The following LRRC4C variants were observed in gnomAD, a reference collection of about 807,000 sequenced individuals.
LRRC4C encodes the protein leucine-rich repeat-containing protein 4C.
In LRRC4C, 5 loss-of-function variants were observed where a neutral mutation model predicts 33.6. That is an observed-to-expected ratio of 0.15 (90% CI 0.08 to 0.31). The LOEUF (loss-of-function observed/expected upper bound fraction) is 0.31, where lower values mean the gene tolerates loss of function less well. Ranked by LOEUF, LRRC4C falls within the 10% of genes least tolerant of loss-of-function variation. The pLI, the probability that LRRC4C is intolerant of heterozygous loss-of-function variation, is 1.00. For missense variants in LRRC4C, 560 were observed against 796.7 expected, an observed-to-expected ratio of 0.70 and a Z score of 3.58; for synonymous variants, 329 against 302.0, an observed-to-expected ratio of 1.09 and a Z score of -0.93.
At chr11:41,037,270 T>G (rs1857134543) in intron 1 of LRRC4C, among the ~76,000 whole-genome samples, 1 of 123,162 alleles carries the variant, frequency 8.1e-6, no homozygotes, top group Non-Finnish European at 1.7e-5. Flanking sequence ...CCCAATTACC[T>G]ATCTTTGATG....
chr11:41,180,179 G>A (rs1277704331), intron 1 of LRRC4C, among the ~76,000 whole-genome samples: 1 of 152,130 alleles, frequency 6.6e-6, no homozygotes, highest in Non-Finnish European at 1.5e-5. Context: ...AAGCTAAAAG[G>A]TCAATGCGAC....
At chr11:41,076,668 C>T (rs912383691) in intron 1 of LRRC4C, among the ~76,000 whole-genome samples, 7 of 152,092 alleles carry the variant, frequency 4.6e-5, no homozygotes, top group Non-Finnish European at 7.4e-5. Flanking sequence ...TTGAGTGGGG[C>T]CACAGAGCCA....
chr11:40,938,000 G>A (rs950369046), intron 1 of LRRC4C, among the ~76,000 whole-genome samples: 2 of 152,092 alleles, frequency 1.3e-5, no homozygotes, highest in Non-Finnish European at 2.9e-5. Flanking sequence ...TCATCGTAAT[G>A]TTGGAGAGTA....
chr11:41,194,537 G>C (rs1455167433), intron 1 of LRRC4C, among the ~76,000 whole-genome samples: 5 of 152,052 alleles, frequency 3.3e-5, no homozygotes, highest in African/African-American at 9.7e-5. Context: ...TATTTCCCTT[G>C]TTGGCTTCGA....
At chr11:41,283,526 A>G (rs938483498) in intron 1 of LRRC4C, among the ~76,000 whole-genome samples, 1 of 152,330 alleles carries the variant, frequency 6.6e-6, no homozygotes, top group African/African-American at 2.4e-5. Flanking sequence ...TAAAAATACT[A>G]TTCTATTCTG....
intron 1 of LRRC4C, among the ~76,000 whole-genome samples, chr11:41,250,607 G>C (rs938134844): frequency 1.3e-5 from 2 of 152,146 alleles, no homozygotes; most frequent in Non-Finnish European, 2.9e-5. Context: ...TGATGACTTG[G>C]CATTTTTTTA....
intron 1 of LRRC4C, among the ~76,000 whole-genome samples, chr11:41,404,379 T>A (rs572174154): frequency 6.6e-6 from 1 of 152,034 alleles, no homozygotes; most frequent in African/African-American, 2.4e-5. Flanking sequence ...ATGGGACTAA[T>A]TTTTCAATTA....
At chr11:40,202,614 T>C (rs539014459) in intron 5 of LRRC4C, among the ~76,000 whole-genome samples, 1 of 152,296 alleles carries the variant, frequency 6.6e-6, no homozygotes, top group South Asian at 2.1e-4. Context: ...GGAAGGGCCA[T>C]TTCTAGCTCT....
chr11:40,380,369 T>A (rs1948819859), intron 3 of LRRC4C, among the ~76,000 whole-genome samples: 1 of 152,196 alleles, frequency 6.6e-6, no homozygotes, highest in Admixed American at 6.5e-5. Flanking sequence ...CATTTCCCTG[T>A]TTAAATTGTG....
chr11:40,990,873 T>G (rs915741511), intron 1 of LRRC4C, among the ~76,000 whole-genome samples: 1 of 152,132 alleles, frequency 6.6e-6, no homozygotes, highest in African/African-American at 2.4e-5. Flanking sequence ...TGATGAAATG[T>G]AAAAGAAGTG....
chr11:40,651,220 T>A (rs1942776471), intron 2 of LRRC4C, among the ~76,000 whole-genome samples: 1 of 152,192 alleles, frequency 6.6e-6, no homozygotes, highest in African/African-American at 2.4e-5. Flanking sequence ...TCAGTGTCAT[T>A]CTGTTTTATT....
chr11:40,375,145 G>A (rs1555037408), intron 3 of LRRC4C, among the ~76,000 whole-genome samples: 1 of 152,086 alleles, frequency 6.6e-6, no homozygotes. Context: ...TAACTTTAAG[G>A]CTCTGTAGTC....
At chr11:41,248,952 C>T (rs1160589131) in intron 1 of LRRC4C, among the ~76,000 whole-genome samples, 2 of 152,030 alleles carry the variant, frequency 1.3e-5, no homozygotes, top group African/African-American at 4.8e-5. Context: ...TCAGTAAATA[C>T]TATTGGTTTT....
chr11:41,061,087 A>G (rs1378719118), intron 1 of LRRC4C, among the ~76,000 whole-genome samples: 4 of 152,016 alleles, frequency 2.6e-5, no homozygotes, highest in African/African-American at 9.7e-5. Context: ...GAGAAAACTT[A>G]TTTCTTCTAA....
intron 3 of LRRC4C, among the ~76,000 whole-genome samples, chr11:40,646,342 C>T (rs1224449436): frequency 2.0e-5 from 3 of 152,194 alleles, no homozygotes; most frequent in African/African-American, 7.2e-5. Context: ...GCTCCTGTTG[C>T]TCATAAGAAT....
At chr11:41,093,415 G>A (rs1940571247) in intron 1 of LRRC4C, among the ~76,000 whole-genome samples, 1 of 152,138 alleles carries the variant, frequency 6.6e-6, no homozygotes. Context: ...ATTTATGGTG[G>A]CAGCACACAA....
At chr11:41,281,039 ATT>A (rs1304226060) in intron 1 of LRRC4C, among the ~76,000 whole-genome samples, 5 of 48,896 alleles carry the variant, frequency 1.0e-4, no homozygotes, top group African/African-American at 3.6e-4. Flanking sequence ...TTAAATACAT[ATT>A]TTCTCTCTCT....
intron 2 of LRRC4C, among the ~76,000 whole-genome samples, chr11:40,653,833 A>G (rs964909695): frequency 4.6e-5 from 7 of 152,194 alleles, no homozygotes; most frequent in Non-Finnish European, 1.5e-5. Flanking sequence ...TCACAGGCCA[A>G]GAAGCCTAGA....
chr11:40,253,824 A>G (rs1193837513), intron 4 of LRRC4C, among the ~76,000 whole-genome samples: 1 of 152,164 alleles, frequency 6.6e-6, no homozygotes. Context: ...GAGACATGTC[A>G]TTGTGTGTTT....
Sources: gnomAD v4.1 joint callset for allele counts (sites outside exome capture counted in the v4.1 genomes callset) on GRCh38, gnomAD v4.1.1 for gene constraint, MANE v1.5 for transcripts, NCBI Gene and HGNC (gene_info 2026-07-23, HGNC 2026-07-21) for gene names.